The following NBPF11 variants were observed in gnomAD, a reference collection of about 807,000 sequenced individuals.
NBPF11 encodes the protein NBPF family member NBPF11.
In NBPF11, 72 loss-of-function variants were observed where a neutral mutation model predicts 93.9. The ratio of observed to expected loss-of-function variants is 0.77; its 90% CI spans 0.63 to 0.93. NBPF11 has a LOEUF of 0.93. Ranked by LOEUF, NBPF11 falls within the 40% of genes least tolerant of loss-of-function variation. The pLI, the probability that NBPF11 is intolerant of heterozygous loss-of-function variation, is 0.00. For synonymous variants in NBPF11, 224 were observed against 304.9 expected (o/e 0.73, Z 2.76); for missense variants, 705 against 802.2 (o/e 0.88, Z 1.46).
rs1326041900 is a variant in NBPF11 at position 148,103,888 on chromosome 1, C to T, written c.*8G>A. The T allele has an allele frequency of 2.5e-6, 4 of 1,610,956 alleles. No individual in the cohort carries two copies. The highest frequency in any genetic ancestry group is 2.7e-5 in the African/African-American group (2 of 74,600). ...AGTCCTGTAAGACTTCAGGCACTTCCACTTCCATCAGCACGCTGCTGAGCC... is the reference window on the plus strand; with the variant it reads ...AGTCCTGTAAGACTTCAGGCACTTCTACTTCCATCAGCACGCTGCTGAGCC... On this transcript the variant is annotated 3_prime_UTR_variant, in exon 24 of 24. Coordinates refer to ENST00000682118, the MANE Select transcript of NBPF11 (RefSeq NM_001385469.3).
Position 148,106,677 on chromosome 1 carries a change from A to G in NBPF11, c.2251+265T>C, listed in dbSNP as rs1418323454. On this transcript the variant is annotated intron_variant, in intron 20 of 23. Transcript: ENST00000682118. ...CAAATCATAGTTCTGTGAATTTTTT[A>G]CATCTGCCTGGGTCCAATGTGCTGA... Among the ~76,000 whole-genome samples the G allele has an allele frequency of 6.8e-5, 10 of 147,974 alleles. No individual in the cohort carries two copies. In the East Asian group the frequency reaches 2.0e-3, roughly 30 times the overall value.
rs1571498698 is a variant in NBPF11 at position 148,146,386 on chromosome 1, G to T, written c.-548-2700C>A. On this transcript the variant is annotated intron_variant, in intron 1 of 23. Coordinates refer to ENST00000682118, the MANE Select transcript of NBPF11 (RefSeq NM_001385469.3). ...CCCCGGTGGAGGCCCGGCCCGGGCG[G>T]CGCCCGCCATGAACGGGCTGTCGCT... The T allele has an allele frequency of 8.2e-6, 13 of 1,581,144 alleles. No individual in the cohort carries two copies. The East Asian group carries it at 3.0e-4, about 37-fold the overall frequency.
rs1344407621 is a variant in NBPF11, at chr1:148,150,644, G to A, written c.-549+1106C>T. ...CAGCACATCAGTTTTCCTTAACTTCGTGAAGCACTGGTATTCATTCTTTCG... is the reference window on the plus strand; with the variant it reads ...CAGCACATCAGTTTTCCTTAACTTCATGAAGCACTGGTATTCATTCTTTCG... On this transcript the variant is annotated intron_variant, in intron 1 of 23. Transcript: ENST00000682118. 5.3e-5 allele frequency among the ~76,000 whole-genome samples: 8 copies of A among 151,700 alleles called. No homozygotes were observed. The East Asian group carries it at 7.7e-4, about 15-fold the overall frequency.
intron 10 of NBPF11, 139 bp from the exon 11 acceptor site, chr1:148,118,861 T>C: frequency 1.3e-6 from 1 of 764,290 alleles, no homozygotes; most frequent in Non-Finnish European, 2.2e-6. Context: ...TTTCCACGTC[T>C]TTACTCTTCA....
chr1:148,120,897 C>T (rs1276846515), intron 9 of NBPF11, among the ~76,000 whole-genome samples, 187 bp from the exon 10 acceptor site: 1 of 152,006 alleles, frequency 6.6e-6, no homozygotes, highest in Non-Finnish European at 1.5e-5. Context: ...ATGCAGTCAC[C>T]TTGAAACCAA....
chr1:148,122,868 G>A (rs1430419978), intron 7 of NBPF11, 67 bp from the exon 8 acceptor site: 56 of 1,606,440 alleles, frequency 3.5e-5, no homozygotes, highest in East Asian at 6.7e-5. Context: ...TCAGCCCAAC[G>A]TGCACAGAGA....
chr1:148,132,263 G>C (rs587686119), intron 4 of NBPF11, among the ~76,000 whole-genome samples: 1 of 145,898 alleles, frequency 6.9e-6, no homozygotes, highest in Non-Finnish European at 1.5e-5. Context: ...GTGGGGGTGT[G>C]TATACATATA....
chr1:148,146,651 T>C, intron 1 of NBPF11: 1 of 1,611,606 alleles, frequency 6.2e-7, no homozygotes, highest in Non-Finnish European at 8.5e-7. Context: ...CTGGACACCA[T>C]CGAGGTCTTC....
Position 148,126,830 on chromosome 1 carries a change from G to A in NBPF11, c.174C>T (p.Tyr58=). ...TGATGGTGAGCCTATAGATCTTACTGTATTTCTTCTGTCGGTTGGCCAGGA... is the reference window on the plus strand; with the variant it reads ...TGATGGTGAGCCTATAGATCTTACTATATTTCTTCTGTCGGTTGGCCAGGA... ...AGFLANRQKK[Y]KYEECKDLIK... The change falls in exon 5 of 24, where the codon TAC becomes TAT. Residue 58 remains tyrosine, a splice_region_variant and synonymous_variant. Transcript: ENST00000682118. The A allele has an allele frequency of 1.3e-6, 2 of 1,584,336 alleles. No individual in the cohort carries two copies. Among genetic ancestry groups the A allele is most frequent in the Admixed American group, 1.7e-5 (1 of 59,946 alleles).
chr1:148,105,913 C>A (rs1244169037), intron 21 of NBPF11, among the ~76,000 whole-genome samples: 2 of 140,414 alleles, frequency 1.4e-5, no homozygotes, highest in Non-Finnish European at 3.0e-5. Context: ...AATAATTTTC[C>A]ATAAAATGTG....
Position 148,109,238 on chromosome 1 carries a change from C to T in NBPF11, c.1853+46G>A. The T allele has an allele frequency of 3.4e-6, 3 of 883,482 alleles. No homozygotes were observed. In the South Asian group the frequency reaches 3.9e-5, roughly 11 times the overall value. The allele number at this position is 883,482 out of a possible 1,614,324, so 54.7% of individuals were successfully genotyped here. On this transcript the variant is annotated intron_variant, in intron 17 of 23. Transcript: ENST00000682118. ...ACTGTTTTCCCTGGACTTGGCATCT[C>T]CAGGTGTCAACATCAAATTAACTGT...
At chr1:148,147,714 T>G (rs1408228713) in intron 1 of NBPF11, among the ~76,000 whole-genome samples, 2 of 151,942 alleles carry the variant, frequency 1.3e-5, no homozygotes, top group East Asian at 3.9e-4. Context: ...CTTGGTGATA[T>G]GCAGGCAGTC....
chr1:148,151,036 G>T (rs1302327565), intron 1 of NBPF11, among the ~76,000 whole-genome samples: 1 of 151,816 alleles, frequency 6.6e-6, no homozygotes, highest in Non-Finnish European at 1.5e-5. Flanking sequence ...TAGGAGGAAA[G>T]CGAGGAAACC....
At chr1:148,106,034 G>A in intron 21 of NBPF11, 147 bp downstream of exon 21, 2 of 543,896 alleles carry the variant, frequency 3.7e-6, no homozygotes, top group Non-Finnish European at 6.5e-6. Flanking sequence ...AATATCTACT[G>A]CAATGAAAAC....
rs1663349366 is a variant in NBPF11, at chr1:148,105,559, C to T, written c.2304-31G>A. ...AAAGGAGGAAAAAGTAAAGAATAAG[C>T]CAGGGGAAATCACACACAACAGAGC... is the stretch of plus-strand genomic sequence containing the variant. On this transcript the variant is annotated intron_variant, in intron 21 of 23. Coordinates refer to ENST00000682118, the MANE Select transcript of NBPF11 (RefSeq NM_001385469.3). The T allele has an allele frequency of 2.8e-6, 2 of 723,830 alleles. 1 individual carries two copies. The highest frequency in any genetic ancestry group is 4.9e-6 in the Non-Finnish European group (2 of 404,514). 44.8% of individuals were successfully genotyped at this position (723,830 alleles called of 1,614,324 possible).
chr1:148,103,706 T>A lies in NBPF11; in HGVS notation c.*190A>T, dbSNP rs1467524452. 2.0e-5 allele frequency: 33 copies of A among 1,611,216 alleles called. No homozygotes were observed. Among genetic ancestry groups the A allele is most frequent in the Non-Finnish European group, 2.8e-5 (33 of 1,179,348 alleles). On this transcript the variant is annotated 3_prime_UTR_variant, in exon 24 of 24. Coordinates refer to ENST00000682118, the MANE Select transcript of NBPF11 (RefSeq NM_001385469.3). ...TATGACTCCCATCTGGAAGACCAGG[T>A]GGAGACTTCTCACCGTCAAAGTAAA... is the stretch of plus-strand genomic sequence containing the variant.
In NBPF11 at chr1:148,103,781, G is replaced by T; in HGVS notation, c.*115C>A. 1 of 1,611,882 alleles carries T rather than the reference G, an allele frequency of 6.2e-7. No homozygotes were observed. The highest frequency in any genetic ancestry group is 8.5e-7 in the Non-Finnish European group (1 of 1,179,462). On this transcript the variant is annotated 3_prime_UTR_variant, in exon 24 of 24. Coordinates refer to ENST00000682118, the MANE Select transcript of NBPF11 (RefSeq NM_001385469.3). The stretch of plus-strand genomic sequence containing the variant: ...AAAGCTGATGTGCTGTTCCTCAAAT[G>T]AGTAAAACACACTTCTGTAGTGCTG...
chr1:148,120,948 G>C (rs1667680674), intron 9 of NBPF11, among the ~76,000 whole-genome samples: 1 of 152,050 alleles, frequency 6.6e-6, no homozygotes, highest in East Asian at 1.9e-4. Flanking sequence ...TTTCTATAAA[G>C]CAAGGCTTGG....
chr1:148,146,780 G>C (rs1301782037), intron 1 of NBPF11: 17 of 1,613,336 alleles, frequency 1.1e-5, no homozygotes, highest in Non-Finnish European at 1.4e-5. Context: ...CAGATGAGCA[G>C]CTTCTACATT....
Sources: allele counts gnomAD v4.1 joint callset (sites outside exome capture counted in the v4.1 genomes callset), GRCh38; gene constraint gnomAD v4.1.1; transcripts MANE v1.5; gene names NCBI Gene and HGNC (gene_info 2026-07-23, HGNC 2026-07-21).